The following SPAG17 variants were observed in gnomAD, a reference collection of about 807,000 sequenced individuals.
The protein encoded by SPAG17 is sperm-associated antigen 17.
Under a neutral mutation model 273.6 loss-of-function variants are expected in SPAG17, and 169 were observed. The ratio of observed to expected loss-of-function variants is 0.62; its 90% CI spans 0.55 to 0.70. The LOEUF is 0.70. Among genes scored for constraint, SPAG17 ranks in the 30% least tolerant of loss-of-function variants. SPAG17 has a pLI of 0.00. For missense variants in SPAG17, 2,557 were observed against 2,627.8 expected, an observed-to-expected ratio of 0.97 and a Z score of 0.59; for synonymous variants, 825 against 873.2, an observed-to-expected ratio of 0.94 and a Z score of 0.97.
At chr1:118,037,342 C>T (rs1224640852) in intron 23 of SPAG17, among the ~76,000 whole-genome samples, 1 of 151,952 alleles carries the variant, frequency 6.6e-6, no homozygotes, top group Non-Finnish European at 1.5e-5. Flanking sequence ...TGTTAAGGCA[C>T]TTTTTTTTCT....
rs553015991 is a variant in SPAG17, at chr1:118,093,985, A to T, written c.1012-668T>A. 2.0e-4 allele frequency among the ~76,000 whole-genome samples: 31 copies of T among 152,358 alleles called. No homozygotes were observed. In the South Asian group the frequency reaches 6.4e-3, roughly 32 times the overall value. ...GGGCTTTTGTTTCCAGAAGTAGGAA[A>T]GCATTGTGATGGCTGGGTCTGTCTG... On this transcript the variant is annotated intron_variant, in intron 7 of 48. Transcript: ENST00000336338.
intron 4 of SPAG17, among the ~76,000 whole-genome samples, chr1:118,104,920 A>G (rs1179228346): frequency 6.6e-6 from 1 of 152,160 alleles, no homozygotes; most frequent in Non-Finnish European, 1.5e-5. Flanking sequence ...CAAGGTATGT[A>G]TATATGTAAA....
intron 1 of SPAG17, among the ~76,000 whole-genome samples, chr1:118,182,687 C>A (rs899328968): frequency 6.6e-6 from 1 of 152,078 alleles, no homozygotes; most frequent in Non-Finnish European, 1.5e-5. Context: ...TTCTCCCAAT[C>A]TAAATGTATC....
chr1:118,006,468 A>G (rs1196084997), intron 31 of SPAG17, among the ~76,000 whole-genome samples: 1 of 152,222 alleles, frequency 6.6e-6, no homozygotes, highest in African/African-American at 2.4e-5. Context: ...TTGTATGGCT[A>G]TATCAGATTT....
At chr1:117,987,022 G>GC (rs1426699714) in intron 40 of SPAG17, among the ~76,000 whole-genome samples, 1 of 152,048 alleles carries the variant, frequency 6.6e-6, no homozygotes, top group Admixed American at 6.6e-5. Context: ...CCTTGCTATA[G>GC]CCCCCCAGCT....
intron 7 of SPAG17, among the ~76,000 whole-genome samples, chr1:118,097,451 A>T (rs1655784626): frequency 6.6e-6 from 1 of 152,192 alleles, no homozygotes; most frequent in Non-Finnish European, 1.5e-5. Context: ...CATCTACTAC[A>T]TCTTATTATT....
Position 117,996,420 on chromosome 1 carries a change from T to C in SPAG17, c.5003A>G (p.Tyr1668Cys), listed in dbSNP as rs1022297231. ...SDIEEYLSLA[Y>C]KESNTVVLQE... Reference sequence around the variant, plus strand: ...GAGAACAACAGTATTTGATTCTTTATATGCCAAAGATAGATATTCTTCTAT... The same window carrying C: ...GAGAACAACAGTATTTGATTCTTTACATGCCAAAGATAGATATTCTTCTAT... The change falls in exon 34 of 49, where the codon TAT becomes TGT. Residue 1668 changes from tyrosine to cysteine, a missense_variant. By Grantham distance (194) the Tyr-to-Cys change is radical. Coordinates refer to ENST00000336338, the MANE Select transcript of SPAG17 (RefSeq NM_206996.4). The C allele has an allele frequency of 7.4e-6, 12 of 1,613,030 alleles. No homozygotes were observed. The highest frequency in any genetic ancestry group is 1.7e-5 in the Admixed American group (1 of 59,842).
chr1:117,981,043 T>G (rs977598693), intron 43 of SPAG17, among the ~76,000 whole-genome samples: 2 of 152,206 alleles, frequency 1.3e-5, no homozygotes, highest in Non-Finnish European at 2.9e-5. Context: ...AAGGATTTCT[T>G]TGTATTTCTT....
intron 17 of SPAG17, among the ~76,000 whole-genome samples, chr1:118,067,882 C>T (rs373054848): frequency 6.6e-6 from 1 of 152,096 alleles, no homozygotes. Flanking sequence ...GTCTTTCTGA[C>T]ACATACCGTT....
chr1:118,152,593 C>T (rs1407385691), intron 1 of SPAG17, among the ~76,000 whole-genome samples: 3 of 152,220 alleles, frequency 2.0e-5, no homozygotes, highest in Admixed American at 1.3e-4. Flanking sequence ...AAGGCTACCA[C>T]CAAAACAGAA....
chr1:118,097,595 G>A (rs1214290442), intron 7 of SPAG17, 75 bp downstream of exon 7: 1 of 1,224,162 alleles, frequency 8.2e-7, no homozygotes, highest in Non-Finnish European at 1.1e-6. Flanking sequence ...CTATCTATGT[G>A]ATGAATAAAT....
Position 117,973,414 on chromosome 1 carries a change from G to A in SPAG17, c.6141+11C>T, listed in dbSNP as rs1208316874. The A allele has an allele frequency of 1.9e-6, 3 of 1,610,132 alleles. No individual in the cohort carries two copies. The highest frequency in any genetic ancestry group is 2.7e-5 in the African/African-American group (2 of 74,924). The stretch of plus-strand genomic sequence containing the variant: ...TTGGCTGTGGGGAATTTGTTCCAAT[G>A]TTTGTTTTACCTTTGCAAGAGGTTG... On this transcript the variant is annotated intron_variant, in intron 44 of 48. Transcript: ENST00000336338.
rs908377418 is a variant in SPAG17, at chr1:118,062,354, G to A, written c.2540+4391C>T. Among the ~76,000 whole-genome samples the A allele has an allele frequency of 5.4e-4, 31 of 57,272 alleles. 1 individual carries two copies. The highest frequency in any genetic ancestry group is 2.7e-3 in the African/African-American group (21 of 7,716). The allele number at this position is 57,272 out of a possible 152,430, so 37.6% of individuals were successfully genotyped here. ...TGCACTCCAGCCTGGGCGACAGAGC[G>A]AGACTCCATCTCAAAAAAAAAAAAA... On this transcript the variant is annotated intron_variant, in intron 18 of 48. Coordinates refer to ENST00000336338, the MANE Select transcript of SPAG17 (RefSeq NM_206996.4).
At chr1:118,179,583 T>C (rs535776963) in intron 1 of SPAG17, among the ~76,000 whole-genome samples, 14 of 151,950 alleles carry the variant, frequency 9.2e-5, no homozygotes, top group South Asian at 8.3e-4. Flanking sequence ...AAAGCAAAAA[T>C]AGAGAAGTGG....
intron 3 of SPAG17, among the ~76,000 whole-genome samples, chr1:118,147,624 G>T (rs757691106): frequency 2.0e-5 from 3 of 152,168 alleles, no homozygotes; most frequent in African/African-American, 7.2e-5. Context: ...GCTTTTCAAA[G>T]AACTATGGTT....
At chr1:118,183,400 C>T (rs1345481454) in intron 1 of SPAG17, among the ~76,000 whole-genome samples, 2 of 152,054 alleles carry the variant, frequency 1.3e-5, no homozygotes, top group African/African-American at 4.8e-5. Context: ...GGGAATTATT[C>T]TTTTAGATCA....
chr1:118,107,414 A>C (rs1052666847), intron 4 of SPAG17, among the ~76,000 whole-genome samples: 4 of 152,100 alleles, frequency 2.6e-5, no homozygotes, highest in East Asian at 1.9e-4. Context: ...TTGCCTTTGC[A>C]TTCCTCTAGC....
intron 1 of SPAG17, among the ~76,000 whole-genome samples, 167 bp downstream of exon 1, chr1:118,184,904 C>T (rs1661114245): frequency 6.6e-6 from 1 of 152,108 alleles, no homozygotes; most frequent in Non-Finnish European, 1.5e-5. Flanking sequence ...CCTTAAGTTC[C>T]GTTCGTTTAT....
chr1:118,029,650 T>C (rs1278064254), intron 25 of SPAG17, among the ~76,000 whole-genome samples: 2 of 152,202 alleles, frequency 1.3e-5, no homozygotes, highest in Non-Finnish European at 2.9e-5. Context: ...TATGCCTAAA[T>C]CCCTTGTTTG....
Sources: gnomAD v4.1 joint callset for allele counts (sites outside exome capture counted in the v4.1 genomes callset) on GRCh38, gnomAD v4.1.1 for gene constraint, MANE v1.5 for transcripts, NCBI Gene and HGNC (gene_info 2026-07-23, HGNC 2026-07-21) for gene names.